The following HAO1 variants were observed in gnomAD, a reference collection of about 807,000 sequenced individuals.
HAO1 encodes 2-Hydroxyacid oxidase 1.
HAO1 carries 34 observed loss-of-function variants against 39.7 expected under a neutral mutation model. The observed-to-expected ratio is 0.86, with a 90% confidence interval of 0.65 to 1.14. The LOEUF (loss-of-function observed/expected upper bound fraction) is 1.14. Among genes scored for constraint, HAO1 ranks in the 50% most tolerant of loss-of-function variants. HAO1 has a pLI of 0.00. For synonymous variants in HAO1, 172 were observed against 173.2 expected, an observed-to-expected ratio of 0.99 and a Z score of 0.05; for missense variants, 479 against 464.5, an observed-to-expected ratio of 1.03 and a Z score of -0.29.
intron 4 of HAO1, among the ~76,000 whole-genome samples, chr20:7,900,546 A>T (rs2050217033): frequency 6.6e-6 from 1 of 152,054 alleles, no homozygotes; most frequent in Non-Finnish European, 1.5e-5. Flanking sequence ...GTGATTAGTG[A>T]TCTTTGATGT....
chr20:7,901,164 T>C (rs2050219783), intron 4 of HAO1, among the ~76,000 whole-genome samples: 1 of 152,160 alleles, frequency 6.6e-6, no homozygotes, highest in South Asian at 2.1e-4. Context: ...GCCATCTCTA[T>C]AACATAAAAG....
chr20:7,889,490 C>T (rs117739930), intron 5 of HAO1, among the ~76,000 whole-genome samples: 2,342 of 152,186 alleles, frequency 0.015, 27 homozygotes, highest in Non-Finnish European at 0.024. Context: ...ACTTCAAATC[C>T]AATCTGGATC....
In HAO1 at chr20:7,929,664, G is replaced by A. The variant is rs538718463; in HGVS notation, c.289+4820C>T. Reference sequence around the variant, plus strand: ...GCAGATCATGAGGTCAGGAGATCAAGACCATCCTGGCCAACATGGTGAAAC... The same window carrying A: ...GCAGATCATGAGGTCAGGAGATCAAAACCATCCTGGCCAACATGGTGAAAC... On this transcript the variant is annotated intron_variant, in intron 2 of 7. Coordinates refer to ENST00000378789, the MANE Select transcript of HAO1 (RefSeq NM_017545.3). Among the ~76,000 whole-genome samples, 6 of 152,228 alleles carry A rather than the reference G, an allele frequency of 3.9e-5. No homozygotes were observed. The East Asian group carries it at 9.7e-4, about 24-fold the overall frequency.
At chr20:7,890,265 G>C (rs536953031) in intron 5 of HAO1, among the ~76,000 whole-genome samples, 2 of 152,194 alleles carry the variant, frequency 1.3e-5, no homozygotes, top group Admixed American at 1.3e-4. Flanking sequence ...CCAGGCTGGA[G>C]TACAATGGCA....
chr20:7,939,936 G>A (rs1028326670), intron 1 of HAO1, among the ~76,000 whole-genome samples: 1 of 152,188 alleles, frequency 6.6e-6, no homozygotes, highest in African/African-American at 2.4e-5. Context: ...GGCATTTAAT[G>A]CTGTTTCCTA....
intron 2 of HAO1, among the ~76,000 whole-genome samples, chr20:7,930,190 G>A (rs2050379430): frequency 6.6e-6 from 1 of 151,936 alleles, no homozygotes; most frequent in Non-Finnish European, 1.5e-5. Context: ...TTCCTTGCTA[G>A]GGTCTAAGTC....
At chr20:7,914,830 ATAT>A (rs1257359962) in intron 2 of HAO1, among the ~76,000 whole-genome samples, 1 of 152,186 alleles carries the variant, frequency 6.6e-6, no homozygotes, top group Non-Finnish European at 1.5e-5. Context: ...ATTAAAATTA[ATAT>A]TATTGCTGGG....
chr20:7,892,286 C>T (rs1263958326), intron 5 of HAO1, among the ~76,000 whole-genome samples: 2 of 152,108 alleles, frequency 1.3e-5, no homozygotes, highest in African/African-American at 4.8e-5. Flanking sequence ...GGGTTTCACA[C>T]ATCGGCCAGG....
At chr20:7,887,163 G>T (rs531524492) in intron 5 of HAO1, among the ~76,000 whole-genome samples, 1 of 152,180 alleles carries the variant, frequency 6.6e-6, no homozygotes, top group Admixed American at 6.5e-5. Flanking sequence ...CTACTTTGAT[G>T]TGAATCTGCA....
intron 2 of HAO1, among the ~76,000 whole-genome samples, chr20:7,922,800 T>C (rs969819893): frequency 6.6e-6 from 1 of 152,132 alleles, no homozygotes; most frequent in Non-Finnish European, 1.5e-5. Context: ...GTGTAAGTTT[T>C]TGGTTTCTCT....
At chr20:7,931,402 T>C (rs1187117642) in intron 2 of HAO1, among the ~76,000 whole-genome samples, 1 of 152,138 alleles carries the variant, frequency 6.6e-6, no homozygotes, top group East Asian at 1.9e-4. Flanking sequence ...TGCAAAGTGG[T>C]GAGGAGCCCA....
intron 5 of HAO1, among the ~76,000 whole-genome samples, chr20:7,889,440 T>A (rs77736244): frequency 1.3e-5 from 2 of 152,208 alleles, no homozygotes; most frequent in Non-Finnish European, 2.9e-5. Flanking sequence ...TGCTATGTAT[T>A]TTAGAAACCA....
At chr20:7,914,544 A>G in intron 2 of HAO1, 125 bp from the exon 3 acceptor site, 1 of 987,794 alleles carries the variant, frequency 1.0e-6, no homozygotes, top group East Asian at 2.6e-5. Context: ...CAAATCTCTT[A>G]AAGAGAGAAG....
Position 7,940,316 on chromosome 20 carries a change from G to GGCAAAA in HAO1, c.106_107insTTTTGC (p.Thr36delinsIleLeuPro). On this transcript the variant is annotated protein_altering_variant, in exon 1 of 8. Transcript: ENST00000378789. ...AAATGCTGCAATATTATCAGCCAAA[G>GGCAAAA]TTTCTTCATCATTTGCCCCAGACCT... 6.2e-7 allele frequency: 1 copy of GGCAAAA among 1,606,582 alleles called. No homozygotes were observed. Among genetic ancestry groups the GGCAAAA allele is most frequent in the East Asian group, 2.2e-5 (1 of 44,806 alleles).
At chr20:7,898,267 A>G (rs539498765) in intron 4 of HAO1, among the ~76,000 whole-genome samples, 1 of 152,216 alleles carries the variant, frequency 6.6e-6, no homozygotes, top group South Asian at 2.1e-4. Context: ...CAGCCTCTCA[A>G]GCATTCTATT....
In HAO1 at chr20:7,912,580, TAA is replaced by T. The variant is rs3031711; in HGVS notation, c.545+1582_545+1583del. Among the ~76,000 whole-genome samples the T allele has an allele frequency of 3.6e-3, 525 of 147,364 alleles. 6 individuals carry two copies. Among genetic ancestry groups the T allele is most frequent in the East Asian group, 0.031 (156 of 5,090 alleles). ...AGTGGGAAACTATTTAGAAAGTCTT[TAA>T]AAAAAAAAAAAAGTAGTCAAAATAG... is the stretch of plus-strand genomic sequence containing the variant. On this transcript the variant is annotated intron_variant, in intron 3 of 7. Transcript: ENST00000378789.
intron 4 of HAO1, among the ~76,000 whole-genome samples, chr20:7,898,378 T>C (rs914249324): frequency 6.6e-6 from 1 of 152,198 alleles, no homozygotes; most frequent in Non-Finnish European, 1.5e-5. Flanking sequence ...CAAAAGTTTC[T>C]TAAAATTTCT....
chr20:7,912,741 C>G (rs12710332), intron 3 of HAO1, among the ~76,000 whole-genome samples: 11,764 of 152,162 alleles, frequency 0.077, 541 homozygotes, highest in East Asian at 0.19. Flanking sequence ...TTTAGGTAAC[C>G]CTGAGTCTGG....
At chr20:7,926,893 T>G (rs749675102) in intron 2 of HAO1, among the ~76,000 whole-genome samples, 39 of 151,950 alleles carry the variant, frequency 2.6e-4, no homozygotes, top group Non-Finnish European at 4.1e-4. Flanking sequence ...TTAATAAGAA[T>G]TTGCTAATAT....
Sources: allele counts gnomAD v4.1 joint callset (sites outside exome capture counted in the v4.1 genomes callset), GRCh38; gene constraint gnomAD v4.1.1; transcripts MANE v1.5; gene names NCBI Gene and HGNC (gene_info 2026-07-23, HGNC 2026-07-21).